INPP4B: variants seen among roughly 807,000 people sequenced by gnomAD.
INPP4B encodes inositol polyphosphate 4-phosphatase type II.
Under a neutral mutation model 122.5 loss-of-function variants are expected in INPP4B, and 55 were observed. The ratio of observed to expected loss-of-function variants is 0.45; its 90% CI spans 0.36 to 0.56. The LOEUF (loss-of-function observed/expected upper bound fraction) is 0.56. Among genes scored for constraint, INPP4B ranks in the 20% least tolerant of loss-of-function variants. The probability of loss-of-function intolerance (pLI) is 0.00; values close to 1 mark genes in which losing one functional copy is unlikely to be tolerated. For missense variants in INPP4B, 1,000 were observed against 1,097.7 expected (o/e 0.91, Z 1.26); for synonymous variants, 403 against 388.7 (o/e 1.04, Z -0.43).
At chr4:142,438,234 T>A (rs1010565369) in intron 3 of INPP4B, among the ~76,000 whole-genome samples, 1 of 152,104 alleles carries the variant, frequency 6.6e-6, no homozygotes, top group African/African-American at 2.4e-5. Context: ...AAAAAGAGCC[T>A]GTATAACAAA....
chr4:142,061,916 ATATATATATATATATATATATAT>A (rs1163237409), intron 25 of INPP4B, among the ~76,000 whole-genome samples: 13 of 6,082 alleles, frequency 2.1e-3, no homozygotes, highest in African/African-American at 4.0e-3. Context: ...ATATATATAT[ATATATATATATATATATATATAT>A]ATCTGTAACT....
intron 2 of INPP4B, among the ~76,000 whole-genome samples, chr4:142,575,981 T>C (rs1447450248): frequency 2.6e-5 from 4 of 152,056 alleles, no homozygotes; most frequent in Non-Finnish European, 5.9e-5. Context: ...TGCCCTTTCA[T>C]AGCTGTTACA....
At chr4:142,326,727 C>T (rs1201636696) in intron 7 of INPP4B, among the ~76,000 whole-genome samples, 2 of 152,158 alleles carry the variant, frequency 1.3e-5, no homozygotes, top group Non-Finnish European at 2.9e-5. Context: ...TACTGTAAAA[C>T]TTATAGTTGA....
intron 7 of INPP4B, among the ~76,000 whole-genome samples, chr4:142,330,251 A>T (rs1204695077): frequency 6.6e-6 from 1 of 152,198 alleles, no homozygotes; most frequent in Non-Finnish European, 1.5e-5. Context: ...ATTTTAAAAC[A>T]AACCCCTTCT....
intron 1 of INPP4B, among the ~76,000 whole-genome samples, chr4:142,837,462 A>G (rs777993585): frequency 1.3e-5 from 2 of 152,260 alleles, no homozygotes; most frequent in South Asian, 4.1e-4. Context: ...GATCTTGGGT[A>G]AGTCACTTAA....
chr4:142,398,076 TA>T (rs936811463), intron 7 of INPP4B, among the ~76,000 whole-genome samples: 1 of 150,826 alleles, frequency 6.6e-6, no homozygotes, highest in South Asian at 2.1e-4. Context: ...TTATGGAGAT[TA>T]AAAAAAACAT....
intron 9 of INPP4B, among the ~76,000 whole-genome samples, chr4:142,280,903 GA>G (rs1750888196): frequency 6.6e-6 from 1 of 151,804 alleles, no homozygotes; most frequent in African/African-American, 2.4e-5. Flanking sequence ...AAAGACATTA[GA>G]AATTTCATAT....
chr4:142,663,433 T>G (rs993945426), intron 2 of INPP4B, among the ~76,000 whole-genome samples: 2 of 152,104 alleles, frequency 1.3e-5, no homozygotes, highest in African/African-American at 2.4e-5. Context: ...CACATTTTAA[T>G]ATAGATATAT....
intron 25 of INPP4B, among the ~76,000 whole-genome samples, chr4:142,076,710 G>T (rs981034500): frequency 6.6e-6 from 1 of 152,058 alleles, no homozygotes; most frequent in African/African-American, 2.4e-5. Context: ...CCTGCACGTT[G>T]TGCACATGTA....
chr4:142,094,023 G>C (rs758352310), intron 23 of INPP4B, among the ~76,000 whole-genome samples: 1 of 152,118 alleles, frequency 6.6e-6, no homozygotes, highest in Admixed American at 6.5e-5. Flanking sequence ...AGAAGAATAC[G>C]ACGATAACAT....
Position 142,027,789 on chromosome 4 carries a change from G to A in INPP4B, c.*993C>T, listed in dbSNP as rs1433806186. 2 of 161,260 alleles carry A rather than the reference G, an allele frequency of 1.2e-5. No homozygotes were observed. The highest frequency in any genetic ancestry group is 2.0e-4 in the South Asian group (1 of 4,908). The allele number at this position is 161,260 out of a possible 1,614,324, so 10.0% of individuals were successfully genotyped here. On this transcript the variant is annotated 3_prime_UTR_variant, in exon 26 of 26. Transcript: ENST00000262992. ...TTTTGCTGAGTAAGGGCAAGGGCAA[G>A]TTTGATATTCAGGGCAACAGAAAAT... is the stretch of plus-strand genomic sequence containing the variant.
At chr4:142,260,652 T>TGTACATG (rs1270917492) in intron 10 of INPP4B, 88 bp from the exon 11 acceptor site, 2 of 839,298 alleles carry the variant, frequency 2.4e-6, no homozygotes, top group Non-Finnish European at 3.8e-6. Flanking sequence ...CATAAGGCTA[T>TGTACATG]GTACATGGTT....
intron 23 of INPP4B, among the ~76,000 whole-genome samples, chr4:142,102,460 C>CTTT: frequency 1.0e-5 from 1 of 99,690 alleles, no homozygotes; most frequent in Non-Finnish European, 2.1e-5. Flanking sequence ...TGAACAAAGT[C>CTTT]TTTTTTTTTT....
chr4:142,625,892 C>A (rs536021341), intron 2 of INPP4B, among the ~76,000 whole-genome samples: 18 of 152,300 alleles, frequency 1.2e-4, no homozygotes, highest in African/African-American at 4.3e-4. Flanking sequence ...AAAGGATTCC[C>A]TACTTAATAA....
At chr4:142,782,793 C>A (rs1394697662) in intron 1 of INPP4B, among the ~76,000 whole-genome samples, 2 of 152,138 alleles carry the variant, frequency 1.3e-5, no homozygotes, top group African/African-American at 4.8e-5. Context: ...ACCAAAACAG[C>A]ATGGTACTGG....
chr4:142,118,041 C>G (rs1191953756), intron 21 of INPP4B, among the ~76,000 whole-genome samples: 1 of 152,160 alleles, frequency 6.6e-6, no homozygotes, highest in Non-Finnish European at 1.5e-5. Flanking sequence ...CTCCCATTCA[C>G]AGTTGCTTCA....
At chr4:142,427,879 T>A (rs1001955885) in intron 5 of INPP4B, among the ~76,000 whole-genome samples, 5 of 151,948 alleles carry the variant, frequency 3.3e-5, no homozygotes, top group Non-Finnish European at 5.9e-5. Context: ...GCTCTTCAGC[T>A]CCATTTCCTA....
chr4:142,298,640 C>T (rs984550670), intron 9 of INPP4B, among the ~76,000 whole-genome samples: 18 of 124,896 alleles, frequency 1.4e-4, no homozygotes, highest in Non-Finnish European at 2.2e-4. Flanking sequence ...GCAGACATTG[C>T]ACCATTGAAC....
intron 2 of INPP4B, among the ~76,000 whole-genome samples, chr4:142,669,802 A>G (rs1189222264): frequency 2.0e-5 from 3 of 151,938 alleles, no homozygotes; most frequent in Non-Finnish European, 4.4e-5. Context: ...AGCAGTAGCC[A>G]TAGCCATGGC....
Sources: allele counts gnomAD v4.1 joint callset (sites outside exome capture counted in the v4.1 genomes callset), GRCh38; gene constraint gnomAD v4.1.1; transcripts MANE v1.5; gene names NCBI Gene and HGNC (gene_info 2026-07-23, HGNC 2026-07-21).